Variants in PTPRT observed in about 807,000 individuals in gnomAD.
The protein encoded by PTPRT is receptor-type tyrosine-protein phosphatase T.
A neutral mutation model predicts 176.8 loss-of-function variants in PTPRT; 56 were observed. That is an observed-to-expected ratio of 0.32 (90% CI 0.26 to 0.40). The LOEUF is 0.40. Among genes scored for constraint, PTPRT ranks in the 10% least tolerant of loss-of-function variants. The pLI is 1.00. For synonymous variants in PTPRT, 783 were observed against 739.0 expected (o/e 1.06, Z -0.96); for missense variants, 1,540 against 1,908.2 (o/e 0.81, Z 3.60).
intron 6 of PTPRT, among the ~76,000 whole-genome samples, chr20:42,718,453 C>T (rs1487431703): frequency 6.6e-6 from 1 of 152,256 alleles, no homozygotes; most frequent in African/African-American, 2.4e-5. Context: ...AGGGGAATGG[C>T]GTGAACCCAG....
chr20:43,184,740 C>A (rs2015348331), intron 1 of PTPRT, among the ~76,000 whole-genome samples: 1 of 151,936 alleles, frequency 6.6e-6, no homozygotes, highest in South Asian at 2.1e-4. Context: ...ACCTCTTTCC[C>A]TGTCCCGCTG....
rs186592834 is a variant in PTPRT, at chr20:42,928,920, A to G, written c.89-42988T>C. On this transcript the variant is annotated intron_variant, in intron 1 of 30. Transcript: ENST00000373187. ...CATCTTTTGATTCCTGTCATATCTA[A>G]CACCTTTCTTACCAGTGACATTGTC... 7.4e-4 allele frequency among the ~76,000 whole-genome samples: 112 copies of G among 152,324 alleles called. 1 individual carries two copies. The Middle Eastern group carries it at 0.031, about 42-fold the overall frequency.
At chr20:43,054,785 C>A (rs1465500394) in intron 1 of PTPRT, among the ~76,000 whole-genome samples, 1 of 152,126 alleles carries the variant, frequency 6.6e-6, no homozygotes, top group African/African-American at 2.4e-5. Flanking sequence ...AATCCATTTG[C>A]CTCCAGTGGG....
chr20:42,159,303 A>G (rs939414709), intron 17 of PTPRT, among the ~76,000 whole-genome samples: 11 of 148,990 alleles, frequency 7.4e-5, no homozygotes, highest in African/African-American at 2.7e-4. Flanking sequence ...TCCCAATCCT[A>G]TGTTGCCTTC....
chr20:42,758,153 G>A (rs986095083), intron 5 of PTPRT, among the ~76,000 whole-genome samples: 48 of 152,198 alleles, frequency 3.2e-4, no homozygotes, highest in African/African-American at 1.0e-3. Context: ...CCCAAAAAGT[G>A]AAATTGACTC....
At chr20:42,173,440 T>C (rs1226061179) in intron 16 of PTPRT, among the ~76,000 whole-genome samples, 1 of 152,092 alleles carries the variant, frequency 6.6e-6, no homozygotes, top group Non-Finnish European at 1.5e-5. Flanking sequence ...CTAGGTATAA[T>C]TTTGTTCAAA....
intron 7 of PTPRT, among the ~76,000 whole-genome samples, chr20:42,485,040 T>G (rs1198122266): frequency 6.6e-6 from 1 of 152,190 alleles, no homozygotes; most frequent in African/African-American, 2.4e-5. Flanking sequence ...ACTGCTCAAG[T>G]GCTCAAATGC....
At chr20:42,834,834 T>C (rs2078153894) in intron 2 of PTPRT, among the ~76,000 whole-genome samples, 1 of 152,086 alleles carries the variant, frequency 6.6e-6, no homozygotes, top group Admixed American at 6.5e-5. Context: ...GGAGGGAAAG[T>C]TACTCCATGT....
intron 11 of PTPRT, among the ~76,000 whole-genome samples, chr20:42,321,201 T>C (rs2145399623): frequency 6.6e-6 from 1 of 152,256 alleles, no homozygotes; most frequent in East Asian, 1.9e-4. Context: ...CAGTGAACAG[T>C]CATCTCAGAA....
intron 12 of PTPRT, among the ~76,000 whole-genome samples, chr20:42,288,758 A>G (rs1600786614): frequency 6.6e-6 from 1 of 151,872 alleles, no homozygotes; most frequent in South Asian, 2.1e-4. Context: ...TCTTTATCCA[A>G]CCCACCACTA....
intron 2 of PTPRT, among the ~76,000 whole-genome samples, chr20:42,802,968 T>C (rs536933666): frequency 6.6e-6 from 1 of 152,328 alleles, no homozygotes; most frequent in African/African-American, 2.4e-5. Flanking sequence ...TGTTACACGC[T>C]TAGAATAGTA....
At chr20:43,017,307 G>GGGCCCT (rs1404519791) in intron 1 of PTPRT, among the ~76,000 whole-genome samples, 1 of 152,080 alleles carries the variant, frequency 6.6e-6, no homozygotes, top group Admixed American at 6.5e-5. Context: ...GCCTGTGTTT[G>GGGCCCT]GGCCCTGTGA....
chr20:42,387,249 T>A (rs2425479), intron 9 of PTPRT, among the ~76,000 whole-genome samples: 1 of 152,206 alleles, frequency 6.6e-6, no homozygotes, highest in South Asian at 2.1e-4. Flanking sequence ...GCTGCTTGGG[T>A]CAGTGATATA....
At chr20:42,318,707 C>T (rs1198834990) in intron 11 of PTPRT, among the ~76,000 whole-genome samples, 1 of 152,160 alleles carries the variant, frequency 6.6e-6, no homozygotes, top group Admixed American at 6.5e-5. Context: ...GAGGGCCAGC[C>T]TATCCCTAAT....
rs1600763177 is a variant in PTPRT at position 43,164,161 on chromosome 20, G to A, written c.88+25485C>T. Among the ~76,000 whole-genome samples, 5 of 152,286 alleles carry A rather than the reference G, an allele frequency of 3.3e-5. 1 individual carries two copies. In the South Asian group the frequency reaches 1.0e-3, roughly 32 times the overall value. On this transcript the variant is annotated intron_variant, in intron 1 of 30. Coordinates refer to ENST00000373187, the MANE Select transcript of PTPRT (RefSeq NM_007050.6). ...CCTACCTTAAATTCCAATTATCTCA[G>A]CTTACTGAAAATACAATTCATGCAA...
intron 15 of PTPRT, among the ~76,000 whole-genome samples, chr20:42,234,236 T>A (rs1459394285): frequency 6.6e-6 from 1 of 152,186 alleles, no homozygotes; most frequent in Non-Finnish European, 1.5e-5. Flanking sequence ...GCCAGGCACT[T>A]TACAAAATCA....
intron 7 of PTPRT, among the ~76,000 whole-genome samples, chr20:42,636,091 G>C (rs1437909447): frequency 1.3e-5 from 2 of 152,106 alleles, no homozygotes; most frequent in Non-Finnish European, 2.9e-5. Context: ...TTAGGCTACA[G>C]TAACCTCGAA....
chr20:42,128,794 C>T lies in PTPRT; in HGVS notation c.2807G>A (p.Gly936Glu). The change falls in exon 19 of 31, where the codon GGA becomes GAA. Residue 936 changes from glycine to glutamate, a missense_variant. Gly to Glu is a moderately conservative substitution (Grantham distance 98, BLOSUM62 -2). Around this residue, in one of 11 missense-constraint regions of PTPRT, gnomAD observed 248 missense variants for 356.7 expected, o/e 0.70. Transcript: ENST00000373187. ...HSRVRLLVLD[G>E]DPHSDYINAN... ...ATTGATGTAGTCAGAGTGCGGGTCT[C>T]CATCCAGCACCAGCAGCCTCACCCG... 6.2e-7 allele frequency: 1 copy of T among 1,607,308 alleles called. No homozygotes were observed. Among genetic ancestry groups the T allele is most frequent in the Non-Finnish European group, 8.5e-7 (1 of 1,176,230 alleles).
rs1982910455 is a variant in PTPRT at position 42,077,694 on chromosome 20, C to T, written c.*3185G>A. 1 of 219,010 alleles carries T rather than the reference C, an allele frequency of 4.6e-6. No homozygotes were observed. Among genetic ancestry groups the T allele is most frequent in the Non-Finnish European group, 9.2e-6 (1 of 109,140 alleles). The allele number at this position is 219,010 out of a possible 1,614,324, so 13.6% of individuals were successfully genotyped here. ...AAGCCTCAATTTCTTCCTGTGTGCA[C>T]TGGCCTAAGACCTATTCACTGTCCT... On this transcript the variant is annotated 3_prime_UTR_variant, in exon 31 of 31. Coordinates refer to ENST00000373187, the MANE Select transcript of PTPRT (RefSeq NM_007050.6).
Sources: gnomAD v4.1 joint callset for allele counts (sites outside exome capture counted in the v4.1 genomes callset) on GRCh38, gnomAD v4.1.1 for gene constraint, gnomAD v4.1.1 regional missense constraint, MANE v1.5 for transcripts, NCBI Gene and HGNC (gene_info 2026-07-23, HGNC 2026-07-21) for gene names.